Variants in TMEM108 observed in about 807,000 individuals in gnomAD.
TMEM108 encodes transmembrane protein 108.
A neutral mutation model predicts 35.1 loss-of-function variants in TMEM108; 12 were observed. The ratio of observed to expected loss-of-function variants is 0.34; its 90% CI spans 0.22 to 0.55. The LOEUF (loss-of-function observed/expected upper bound fraction) is 0.55. Ranked by LOEUF, TMEM108 falls within the 20% of genes least tolerant of loss-of-function variation. The probability of loss-of-function intolerance (pLI) is 0.89; values close to 1 mark genes in which losing one functional copy is unlikely to be tolerated. For missense variants in TMEM108, 680 were observed against 753.3 expected (o/e 0.90, Z 1.14); for synonymous variants, 287 against 308.6 (o/e 0.93, Z 0.73).
At chr3:133,309,653 C>T (rs1215635303) in intron 3 of TMEM108, among the ~76,000 whole-genome samples, 4 of 133,518 alleles carry the variant, frequency 3.0e-5, no homozygotes, top group East Asian at 4.5e-4. Flanking sequence ...GTTCAGTTTC[C>T]GTGTAGTTAT....
intron 2 of TMEM108, among the ~76,000 whole-genome samples, chr3:133,054,320 G>A (rs139929037): frequency 6.6e-6 from 1 of 152,238 alleles, no homozygotes; most frequent in East Asian, 1.9e-4. Context: ...GAAATTGCTG[G>A]GCTGGATGAT....
In TMEM108 at chr3:133,199,327, C is replaced by T. The variant is rs909554183; in HGVS notation, c.-46-29939C>T. ...CTGTCCAGCTTTGTTCTGTTGCTGG[C>T]GAGGAGCTGCATTCCTTTGGAGGAG... On this transcript the variant is annotated intron_variant, in intron 2 of 5. Coordinates refer to ENST00000321871, the MANE Select transcript of TMEM108 (RefSeq NM_023943.4). Among the ~76,000 whole-genome samples, 9 of 152,280 alleles carry T rather than the reference C, an allele frequency of 5.9e-5. 1 individual carries two copies. The South Asian group carries it at 6.2e-4, about 11-fold the overall frequency.
chr3:133,213,833 A>G (rs1318925496), intron 2 of TMEM108, among the ~76,000 whole-genome samples: 1 of 152,134 alleles, frequency 6.6e-6, no homozygotes, highest in Non-Finnish European at 1.5e-5. Flanking sequence ...TTCAAGTTGC[A>G]TCTAGTTGTA....
chr3:133,180,396 C>G (rs62280327), intron 2 of TMEM108, among the ~76,000 whole-genome samples: 30,166 of 151,952 alleles, frequency 0.2, 3,876 homozygotes, highest in East Asian at 0.39. Flanking sequence ...AAGAAGGCCT[C>G]AAGTCCCAAT....
intron 2 of TMEM108, among the ~76,000 whole-genome samples, chr3:133,075,650 T>A (rs1253028522): frequency 2.0e-5 from 3 of 152,198 alleles, no homozygotes; most frequent in African/African-American, 2.4e-5. Context: ...CCCTTGCACC[T>A]ATCCTTTTTA....
At chr3:133,298,734 C>A (rs940552067) in intron 3 of TMEM108, among the ~76,000 whole-genome samples, 8 of 152,124 alleles carry the variant, frequency 5.3e-5, no homozygotes, top group African/African-American at 1.9e-4. Context: ...GCTACCTGCC[C>A]AAGGACACAG....
intron 2 of TMEM108, among the ~76,000 whole-genome samples, chr3:133,173,624 T>C (rs1945163386): frequency 6.6e-6 from 1 of 152,226 alleles, no homozygotes; most frequent in Non-Finnish European, 1.5e-5. Context: ...GGTTTTAATT[T>C]GTATCAGCAC....
chr3:133,272,272 C>CATGT (rs373072243), intron 3 of TMEM108, among the ~76,000 whole-genome samples: 1 of 137,724 alleles, frequency 7.3e-6, no homozygotes, highest in African/African-American at 2.7e-5. Flanking sequence ...CATACACGTA[C>CATGT]GTGTGTGTGT....
intron 3 of TMEM108, among the ~76,000 whole-genome samples, chr3:133,288,878 G>A (rs1363230973): frequency 6.6e-6 from 1 of 151,926 alleles, no homozygotes; most frequent in Non-Finnish European, 1.5e-5. Context: ...TGGGACTACG[G>A]GTGTGTGCCA....
At chr3:133,376,340 G>A (rs1443892243) in intron 3 of TMEM108, among the ~76,000 whole-genome samples, 1 of 152,150 alleles carries the variant, frequency 6.6e-6, no homozygotes, top group Admixed American at 6.5e-5. Flanking sequence ...GCCTGTCCCT[G>A]GGGTCAGCCA....
chr3:133,094,223 C>G (rs1019094513), intron 2 of TMEM108, among the ~76,000 whole-genome samples: 5 of 105,862 alleles, frequency 4.7e-5, no homozygotes, highest in African/African-American at 1.7e-4. Flanking sequence ...CACCTCCCAC[C>G]CCACCCCCCA....
intron 2 of TMEM108, among the ~76,000 whole-genome samples, chr3:133,159,569 G>C (rs541094397): frequency 9.2e-5 from 14 of 152,270 alleles, no homozygotes; most frequent in Admixed American, 9.2e-4. Context: ...AGCCCACTAT[G>C]ATGATGATAA....
intron 2 of TMEM108, among the ~76,000 whole-genome samples, chr3:133,210,518 A>G (rs139758760): frequency 4.5e-4 from 68 of 152,302 alleles, no homozygotes; most frequent in African/African-American, 1.5e-3. Context: ...ATATGTTTGA[A>G]GTAGATTCTG....
At chr3:133,263,828 A>G (rs749094705) in intron 3 of TMEM108, among the ~76,000 whole-genome samples, 1 of 152,214 alleles carries the variant, frequency 6.6e-6, no homozygotes, top group South Asian at 2.1e-4. Flanking sequence ...CAAAAGGCAC[A>G]TCCAGTTCAG....
At chr3:133,180,663 C>G (rs996538187) in intron 2 of TMEM108, among the ~76,000 whole-genome samples, 1 of 151,990 alleles carries the variant, frequency 6.6e-6, no homozygotes, top group Non-Finnish European at 1.5e-5. Context: ...GTAAAATGTT[C>G]CCATGAGTTG....
At chr3:133,103,318 C>T (rs1944111486) in intron 2 of TMEM108, among the ~76,000 whole-genome samples, 1 of 152,100 alleles carries the variant, frequency 6.6e-6, no homozygotes, top group Non-Finnish European at 1.5e-5. Context: ...TTATCCTTAG[C>T]AAACTAATGC....
chr3:133,108,210 G>A (rs1026714860), intron 2 of TMEM108, among the ~76,000 whole-genome samples: 3 of 152,086 alleles, frequency 2.0e-5, no homozygotes, highest in East Asian at 1.9e-4. Flanking sequence ...CAGCCTGAGC[G>A]ACAGAGTGAC....
intron 2 of TMEM108, among the ~76,000 whole-genome samples, chr3:133,179,306 G>A (rs941771605): frequency 4.6e-5 from 7 of 152,162 alleles, no homozygotes; most frequent in African/African-American, 1.7e-4. Context: ...CCATTACTGG[G>A]TATATACCCA....
intron 3 of TMEM108, among the ~76,000 whole-genome samples, chr3:133,289,552 C>T (rs1947033091): frequency 6.6e-6 from 1 of 152,158 alleles, no homozygotes; most frequent in African/African-American, 2.4e-5. Context: ...GCTGGGTTTT[C>T]AGCACTTGTC....
Sources: allele counts gnomAD v4.1 joint callset (sites outside exome capture counted in the v4.1 genomes callset), GRCh38; gene constraint gnomAD v4.1.1; transcripts MANE v1.5; gene names NCBI Gene and HGNC (gene_info 2026-07-23, HGNC 2026-07-21).